Variants in HDAC9 observed in about 807,000 individuals in gnomAD.
HDAC9 encodes histone deacetylase 9, also known as MEF-2 interacting transcription repressor (MITR) protein.
In HDAC9, 41 loss-of-function variants were observed where a neutral mutation model predicts 139.4. The observed-to-expected ratio is 0.29, with a 90% CI of 0.23 to 0.38. The LOEUF (loss-of-function observed/expected upper bound fraction) is 0.38, where lower values mean the gene tolerates loss of function less well. Ranked by LOEUF, HDAC9 falls within the 10% of genes least tolerant of loss-of-function variation. The pLI, the probability that HDAC9 is intolerant of heterozygous loss-of-function variation, is 1.00. For missense variants in HDAC9, 1,147 were observed against 1,297.0 expected (o/e 0.88, Z 1.78); for synonymous variants, 517 against 476.2 (o/e 1.09, Z -1.12).
At position 18,829,333 on chromosome 7, in the gene HDAC9, G is replaced by A. The variant is rs911255123; in HGVS notation, c.2378+117G>A. The A allele has an allele frequency of 4.4e-6, 5 of 1,125,848 alleles. No individual in the cohort carries two copies. In the African/African-American group the frequency reaches 4.6e-5, roughly 10 times the overall value. The allele number at this position is 1,125,848 out of a possible 1,614,324, so 69.7% of individuals were successfully genotyped here. ...CAGATGGACTGAAAAATCTTGCGAG[G>A]TACTCCCAGAAGCAGATTTATGGCT... On this transcript the variant is annotated intron_variant, in intron 18 of 25. Transcript: ENST00000686413.
At chr7:18,176,024 C>A (rs527946883) in intron 2 of HDAC9, among the ~76,000 whole-genome samples, 3 of 152,226 alleles carry the variant, frequency 2.0e-5, no homozygotes, top group African/African-American at 7.2e-5. Flanking sequence ...TCTGTGAGTT[C>A]TGTGAGAGGG....
In HDAC9 at chr7:18,770,195, A is replaced by C. The variant is rs552461499; in HGVS notation, c.2214+3040A>C. 2.0e-5 allele frequency among the ~76,000 whole-genome samples: 3 copies of C among 152,216 alleles called. No homozygotes were observed. In the South Asian group the frequency reaches 6.2e-4, roughly 32 times the overall value. On this transcript the variant is annotated intron_variant, in intron 16 of 25. Transcript: ENST00000686413. Reference sequence around the variant, plus strand: ...TGTGAAATGTACTCTCCAGAACTGCATTTCGAGCAACAATGTCAAGGTTTC... The same window carrying C: ...TGTGAAATGTACTCTCCAGAACTGCCTTTCGAGCAACAATGTCAAGGTTTC...
intron 1 of HDAC9, among the ~76,000 whole-genome samples, chr7:18,089,208 G>T (rs1269126272): frequency 7.2e-6 from 1 of 139,782 alleles, no homozygotes; most frequent in East Asian, 2.0e-4. Flanking sequence ...GTAGGAGACA[G>T]ATTTTTTTTT....
rs1784517145 is a variant in HDAC9 at position 18,975,892 on chromosome 7, G to A, written c.3109G>A (p.Val1037Ile). The A allele has an allele frequency of 1.2e-6, 2 of 1,613,874 alleles. No homozygotes were observed. The highest frequency in any genetic ancestry group is 1.1e-5 in the South Asian group (1 of 91,074). Residue 1037 changes from valine (V) to isoleucine (I), a missense_variant, in exon 25 of 26, where the codon GTT becomes ATT. Val to Ile is a conservative substitution (Grantham distance 29). Around this residue, in one of 7 missense-constraint regions of HDAC9, gnomAD observed 407 missense variants for 521.5 expected, o/e 0.78. Coordinates refer to ENST00000686413, the MANE Select transcript of HDAC9 (RefSeq NM_178425.4). ...TCAGTTGCAAGAGGAGACAGAGACC[G>A]TTTCTGCCCTGGCCTCCCTAACAGT... Reference protein sequence around the residue: ...GAQLQEETETVSALASLTVDV... With the variant: ...GAQLQEETETISALASLTVDV...
intron 12 of HDAC9, among the ~76,000 whole-genome samples, chr7:18,673,182 G>A (rs928153192): frequency 3.3e-5 from 5 of 152,026 alleles, no homozygotes; most frequent in African/African-American, 1.2e-4. Context: ...TGGGAGGTTA[G>A]GGCAGGAGGA....
chr7:18,097,223 T>C (rs969436760), intron 1 of HDAC9, among the ~76,000 whole-genome samples: 2 of 152,180 alleles, frequency 1.3e-5, no homozygotes, highest in Non-Finnish European at 2.9e-5. Context: ...ATTATTATAT[T>C]TTTTGGTTAT....
intron 1 of HDAC9, chr7:18,127,230 C>T (rs918140618): frequency 5.9e-6 from 1 of 169,320 alleles, no homozygotes; most frequent in Non-Finnish European, 1.5e-5. Flanking sequence ...TCAACAAATA[C>T]TTTTTTAGCA....
chr7:18,537,593 G>C (rs1811317893), intron 2 of HDAC9, among the ~76,000 whole-genome samples: 1 of 151,910 alleles, frequency 6.6e-6, no homozygotes, highest in African/African-American at 2.4e-5. Context: ...GGTGGAAAAT[G>C]CAAAGCCAAA....
chr7:18,820,003 T>C (rs1293398623), intron 17 of HDAC9, among the ~76,000 whole-genome samples: 1 of 152,178 alleles, frequency 6.6e-6, no homozygotes, highest in Admixed American at 6.5e-5. Context: ...AATATGGCAT[T>C]TGTGGGTTTT....
At chr7:18,687,880 C>T (rs1361057790) in intron 12 of HDAC9, among the ~76,000 whole-genome samples, 1 of 151,708 alleles carries the variant, frequency 6.6e-6, no homozygotes. Flanking sequence ...TTGTTTTAGT[C>T]TTTACCCAAT....
At position 18,515,557 on chromosome 7, in the gene HDAC9, C is replaced by T. The variant is rs572216341; in HGVS notation, c.22+19233C>T. Among the ~76,000 whole-genome samples, 13 of 152,234 alleles carry T rather than the reference C, an allele frequency of 8.5e-5. No homozygotes were observed. The South Asian group carries it at 2.7e-3, about 32-fold the overall frequency. ...CAGTATCCTGGACCAAGATTTGTAG[C>T]CAGTTAACAGAATGGCAGTAAGCAG... On this transcript the variant is annotated intron_variant, in intron 2 of 25. Transcript: ENST00000686413.
chr7:18,313,081 C>T (rs1450337483), intron 1 of HDAC9, among the ~76,000 whole-genome samples: 1 of 152,156 alleles, frequency 6.6e-6, no homozygotes, highest in African/African-American at 2.4e-5. Flanking sequence ...CCTATCCTTT[C>T]AAGACAATTC....
chr7:18,211,271 T>C (rs1429272729), intron 2 of HDAC9, among the ~76,000 whole-genome samples: 1 of 152,186 alleles, frequency 6.6e-6, no homozygotes, highest in Non-Finnish European at 1.5e-5. Flanking sequence ...CACTTACCTA[T>C]AGTTTCAACA....
chr7:18,967,338 C>G (rs4721732), intron 24 of HDAC9, among the ~76,000 whole-genome samples: 121,055 of 152,080 alleles, frequency 0.8, 48,219 homozygotes, highest in Admixed American at 0.83. Flanking sequence ...TCAGGAGTGA[C>G]GTAATAATTC....
intron 2 of HDAC9, among the ~76,000 whole-genome samples, chr7:18,196,870 A>ATTTC: frequency 6.6e-6 from 1 of 152,228 alleles, no homozygotes; most frequent in Admixed American, 6.5e-5. Context: ...GTGATAGTTA[A>ATTTC]TTTCTTGTGT....
At chr7:18,276,437 G>T (rs547637741) in intron 2 of HDAC9, among the ~76,000 whole-genome samples, 1 of 152,292 alleles carries the variant, frequency 6.6e-6, no homozygotes, top group East Asian at 1.9e-4. Context: ...AATGCATTCA[G>T]TTTGTGTCAG....
intron 1 of HDAC9, among the ~76,000 whole-genome samples, chr7:18,107,616 C>T (rs756981526): frequency 4.6e-5 from 7 of 152,156 alleles, no homozygotes; most frequent in Non-Finnish European, 1.0e-4. Flanking sequence ...AACTTTTTCT[C>T]AACCTATACA....
At chr7:18,552,946 C>A (rs940697512) in intron 2 of HDAC9, among the ~76,000 whole-genome samples, 14 of 152,214 alleles carry the variant, frequency 9.2e-5, no homozygotes, top group African/African-American at 3.4e-4. Flanking sequence ...AAAACCATTT[C>A]TAATCCAAGT....
At chr7:18,234,352 G>C (rs904804111) in intron 2 of HDAC9, among the ~76,000 whole-genome samples, 6 of 152,180 alleles carry the variant, frequency 3.9e-5, no homozygotes, top group South Asian at 2.1e-4. Flanking sequence ...GAGAGAATAA[G>C]TGTTATAGAA....
Sources: allele counts gnomAD v4.1 joint callset (sites outside exome capture counted in the v4.1 genomes callset), GRCh38; gene constraint gnomAD v4.1.1; regional missense constraint gnomAD v4.1.1; transcripts MANE v1.5; gene names NCBI Gene and HGNC (gene_info 2026-07-23, HGNC 2026-07-21).